Variants in SORD observed in about 807,000 individuals in gnomAD.
The protein encoded by SORD is sorbitol dehydrogenase, also known as (R,R)-butanediol dehydrogenase.
Under a neutral mutation model 35.6 loss-of-function variants are expected in SORD, and 18 were observed. That is an observed-to-expected ratio of 0.51 (90% CI 0.35 to 0.75). SORD has a LOEUF of 0.75. SORD is among the 30% of genes least tolerant of loss of function. The probability of loss-of-function intolerance (pLI) is 0.01; values close to 1 mark genes in which losing one functional copy is unlikely to be tolerated. For synonymous variants in SORD, 106 were observed against 152.9 expected (o/e 0.69, Z 2.26); for missense variants, 250 against 390.2 (o/e 0.64, Z 3.03).
At chr15:45,056,278 C>G (rs7175182) in intron 3 of SORD, among the ~76,000 whole-genome samples, 138,505 of 146,048 alleles carry the variant, frequency 0.95, 65,694 homozygotes, top group Non-Finnish European at 0.97. Context: ...AGCTGATAAG[C>G]AACTTCAGCA....
chr15:45,035,081 C>G lies in SORD; in HGVS notation c.67-5327C>G, dbSNP rs1480308690. Among the ~76,000 whole-genome samples the G allele has an allele frequency of 3.9e-5, 6 of 152,272 alleles. No individual in the cohort carries two copies. The East Asian group carries it at 1.2e-3, about 29-fold the overall frequency. On this transcript the variant is annotated intron_variant, in intron 1 of 8. Coordinates refer to ENST00000267814, the MANE Select transcript of SORD (RefSeq NM_003104.6). ...TTAGCTGCCTTCCCGCGGGGCAGGG[C>G]TCGGGACCTGCAGCCCGCCATGCCT...
intron 1 of SORD, 135 bp downstream of exon 1, chr15:45,023,484 C>A: frequency 1.4e-6 from 1 of 718,636 alleles, no homozygotes; most frequent in Non-Finnish European, 2.1e-6. Flanking sequence ...CAGATCCCAG[C>A]TGGTTCCCCT....
chr15:45,043,967 C>A (rs112864982), intron 3 of SORD, among the ~76,000 whole-genome samples: 2,277 of 152,154 alleles, frequency 0.015, no homozygotes, highest in Middle Eastern at 0.031. Context: ...TAGCTGTTGG[C>A]TTTAACCTTC....
At chr15:45,068,841 T>A (rs750932433) in intron 6 of SORD, 36 bp from the exon 7 acceptor site, 111 of 1,383,962 alleles carry the variant, frequency 8.0e-5, no homozygotes, top group Non-Finnish European at 9.6e-5. Context: ...TTCTCTTGTT[T>A]GAAAGAATTT....
At chr15:45,048,281 A>G (rs1401596204) in intron 3 of SORD, among the ~76,000 whole-genome samples, 2 of 152,208 alleles carry the variant, frequency 1.3e-5, no homozygotes, top group Non-Finnish European at 2.9e-5. Context: ...TTTTCCCCCA[A>G]TCCACAAATT....
intron 1 of SORD, among the ~76,000 whole-genome samples, chr15:45,031,193 C>T (rs955164011): frequency 6.6e-6 from 1 of 152,220 alleles, no homozygotes; most frequent in African/African-American, 2.4e-5. Context: ...TAGCACACTC[C>T]TGTAGTCACA....
At chr15:45,068,855 T>C (rs894437874) in intron 6 of SORD, 22 bp from the exon 7 acceptor site, 3 of 1,393,116 alleles carry the variant, frequency 2.2e-6, no homozygotes, top group Non-Finnish European at 2.8e-6. Context: ...AGAATTTTTT[T>C]TTTTTTTTTT....
At chr15:45,048,952 C>A (rs1893086652) in intron 3 of SORD, among the ~76,000 whole-genome samples, 1 of 152,180 alleles carries the variant, frequency 6.6e-6, no homozygotes. Context: ...TAGGCAAGCA[C>A]AGGGTGCAGC....
intron 3 of SORD, 27 bp from the exon 4 acceptor site, chr15:45,061,040 T>C (rs781344290): frequency 1.2e-6 from 2 of 1,613,910 alleles, no homozygotes; most frequent in African/African-American, 1.3e-5. Flanking sequence ...CCCTCGGACA[T>C]GGTGCCATCT....
At chr15:45,030,592 C>G (rs546155392) in intron 1 of SORD, among the ~76,000 whole-genome samples, 3 of 152,236 alleles carry the variant, frequency 2.0e-5, no homozygotes, top group Non-Finnish European at 4.4e-5. Flanking sequence ...AGATCACGAA[C>G]AGACTAGAGC....
intron 3 of SORD, among the ~76,000 whole-genome samples, chr15:45,049,758 A>G (rs1893098315): frequency 6.6e-6 from 1 of 152,184 alleles, no homozygotes; most frequent in South Asian, 2.1e-4. Flanking sequence ...GTTTCTTCTG[A>G]GTTGCAGCCA....
rs746207731 is a variant in SORD at position 45,065,337 on chromosome 15, C to T, written c.492C>T (p.Ala164=). The change falls in exon 5 of 9, where the codon GCC becomes GCT. Residue 164 remains alanine, a synonymous_variant. Transcript: ENST00000267814. ...AGCCACTTTCTGTGGGGATCCATGC[C>T]TGCAGGAGAGGCGGAGTTACCCTGG... ...LIEPLSVGIH[A]CRRGGVTLGH... The T allele has an allele frequency of 1.3e-5, 21 of 1,613,906 alleles. No homozygotes were observed. Among genetic ancestry groups the T allele is most frequent in the Non-Finnish European group, 1.3e-5 (15 of 1,179,864 alleles).
intron 1 of SORD, among the ~76,000 whole-genome samples, chr15:45,030,338 C>CT (rs200389743): frequency 0.21 from 30,947 of 150,294 alleles, no homozygotes; most frequent in African/African-American, 0.44. Context: ...CTCTTTAAAA[C>CT]TGCACAACAG....
chr15:45,073,533 T>G lies in SORD; in HGVS notation c.*3T>G, dbSNP rs1465011512. ...ACCCCAGTGACCAGAATCCCTGATG[T>G]TAATGGGCTCTGCCCTCATCCCCAC... On this transcript the variant is annotated 3_prime_UTR_variant, in exon 9 of 9. Transcript: ENST00000267814. The G allele has an allele frequency of 6.3e-7, 1 of 1,595,036 alleles. No individual in the cohort carries two copies. Among genetic ancestry groups the G allele is most frequent in the Non-Finnish European group, 8.5e-7 (1 of 1,173,872 alleles).
At chr15:45,035,677 C>T (rs994065879) in intron 1 of SORD, among the ~76,000 whole-genome samples, 5 of 152,208 alleles carry the variant, frequency 3.3e-5, no homozygotes, top group Non-Finnish European at 7.3e-5. Context: ...CTTTGCAATA[C>T]ATTTTGCTAC....
chr15:45,026,675 GA>G (rs1209141329), intron 1 of SORD, among the ~76,000 whole-genome samples: 1 of 152,204 alleles, frequency 6.6e-6, no homozygotes, highest in African/African-American at 2.4e-5. Flanking sequence ...ATTTTCAAGG[GA>G]AAAGTGTATC....
chr15:45,034,240 T>C (rs1378677723), intron 1 of SORD, among the ~76,000 whole-genome samples: 2 of 152,112 alleles, frequency 1.3e-5, no homozygotes, highest in Admixed American at 6.6e-5. Flanking sequence ...GTTACATAAC[T>C]ACCCTGAGGT....
At chr15:45,066,564 A>G (rs376712796) in intron 5 of SORD, among the ~76,000 whole-genome samples, 27 of 152,264 alleles carry the variant, frequency 1.8e-4, no homozygotes, top group African/African-American at 4.1e-4. Flanking sequence ...TGAGCCAGCA[A>G]TCTGCCTGCA....
intron 1 of SORD, among the ~76,000 whole-genome samples, chr15:45,023,759 G>A (rs910833912): frequency 9.2e-5 from 14 of 152,248 alleles, no homozygotes; most frequent in Non-Finnish European, 1.5e-4. Context: ...AGGACACTTA[G>A]AAACAGCAGA....
Sources: gnomAD v4.1 joint callset for allele counts (sites outside exome capture counted in the v4.1 genomes callset) on GRCh38, gnomAD v4.1.1 for gene constraint, MANE v1.5 for transcripts, NCBI Gene and HGNC (gene_info 2026-07-23, HGNC 2026-07-21) for gene names.